The following PDE11A variants were observed in gnomAD, a reference collection of about 807,000 sequenced individuals.
PDE11A encodes phosphodiesterase 11A.
Under a neutral mutation model 100.5 loss-of-function variants are expected in PDE11A, and 100 were observed. The observed-to-expected ratio is 1.00, with a 90% CI of 0.85 to 1.18. The LOEUF is 1.18. PDE11A is among the 50% of genes most tolerant of loss of function. PDE11A has a pLI of 0.00. For synonymous variants in PDE11A, 381 were observed against 420.8 expected, an observed-to-expected ratio of 0.91 and a Z score of 1.16; for missense variants, 1,141 against 1,152.6, an observed-to-expected ratio of 0.99 and a Z score of 0.15.
chr2:177,674,888 C>A (rs2080745374), intron 17 of PDE11A, among the ~76,000 whole-genome samples: 1 of 151,974 alleles, frequency 6.6e-6, no homozygotes, highest in Admixed American at 6.6e-5. Context: ...ATCAGTAATC[C>A]CTGGTCTTCA....
intron 10 of PDE11A, among the ~76,000 whole-genome samples, chr2:177,764,138 G>T (rs1322841544): frequency 6.6e-6 from 1 of 152,160 alleles, no homozygotes; most frequent in Non-Finnish European, 1.5e-5. Context: ...TATTTTTGAT[G>T]CAGTCATTCT....
chr2:177,744,994 A>G (rs1190786109), intron 10 of PDE11A, among the ~76,000 whole-genome samples: 2 of 152,230 alleles, frequency 1.3e-5, no homozygotes, highest in African/African-American at 4.8e-5. Context: ...GCTAGAAACA[A>G]ACCTTTGCAG....
intron 2 of PDE11A, among the ~76,000 whole-genome samples, chr2:177,969,622 GA>G (rs768107433): frequency 7.3e-5 from 11 of 150,588 alleles, no homozygotes; most frequent in Non-Finnish European, 1.5e-4. Flanking sequence ...TTTATGTAAA[GA>G]AAAAAAGTAA....
chr2:177,666,991 C>T (rs981042156), intron 18 of PDE11A, among the ~76,000 whole-genome samples: 50 of 151,362 alleles, frequency 3.3e-4, no homozygotes, highest in Admixed American at 1.8e-3. Flanking sequence ...AACCTGGGCT[C>T]ACTGCAACCT....
intron 9 of PDE11A, chr2:177,797,319 C>T (rs1000714695): frequency 6.6e-6 from 1 of 152,186 alleles, no homozygotes; most frequent in Admixed American, 6.5e-5. Context: ...CCTGGCTCTA[C>T]TTCTAGCTGT....
chr2:177,965,827 G>T (rs1023911704), intron 2 of PDE11A, among the ~76,000 whole-genome samples: 8 of 152,160 alleles, frequency 5.3e-5, no homozygotes, highest in African/African-American at 1.7e-4. Context: ...GCTTAGTATT[G>T]CTTCAGTTAT....
chr2:178,037,749 A>G (rs1449839046), intron 1 of PDE11A, among the ~76,000 whole-genome samples: 1 of 152,132 alleles, frequency 6.6e-6, no homozygotes, highest in Non-Finnish European at 1.5e-5. Context: ...GAAGCCACCA[A>G]TCTCAGCAAA....
intron 2 of PDE11A, among the ~76,000 whole-genome samples, chr2:178,094,321 G>A (rs371850392): frequency 6.6e-6 from 1 of 152,004 alleles, no homozygotes; most frequent in East Asian, 1.9e-4. Context: ...TTGAGCTCAG[G>A]AGTTCAAGAC....
intron 1 of PDE11A, among the ~76,000 whole-genome samples, chr2:178,019,033 T>C (rs1574345469): frequency 2.0e-5 from 3 of 152,370 alleles, no homozygotes; most frequent in Admixed American, 2.0e-4. Context: ...AATTACTAAA[T>C]ATGTGATCAA....
intron 2 of PDE11A, among the ~76,000 whole-genome samples, chr2:177,981,803 A>G (rs933449149): frequency 4.6e-5 from 7 of 151,072 alleles, no homozygotes; most frequent in African/African-American, 1.7e-4. Flanking sequence ...ATTGTAGAAT[A>G]TCATTCTCTA....
intron 1 of PDE11A, among the ~76,000 whole-genome samples, chr2:178,107,717 T>C (rs2087637171): frequency 6.7e-6 from 1 of 149,064 alleles, no homozygotes; most frequent in South Asian, 2.2e-4. Flanking sequence ...ATTCCTTTTT[T>C]TTTCTTTTTT....
At chr2:177,917,204 A>T (rs2084967887) in intron 2 of PDE11A, among the ~76,000 whole-genome samples, 3 of 152,142 alleles carry the variant, frequency 2.0e-5, no homozygotes, top group Admixed American at 1.3e-4. Context: ...CCAAAAAAAA[A>T]ATTAAAGTTC....
At chr2:177,872,272 A>G (rs1297267360) in intron 5 of PDE11A, among the ~76,000 whole-genome samples, 4 of 152,236 alleles carry the variant, frequency 2.6e-5, no homozygotes, top group African/African-American at 9.6e-5. Flanking sequence ...TCAACATAAA[A>G]TGCCTTTCTA....
At chr2:177,984,404 T>G (rs907764874) in intron 2 of PDE11A, among the ~76,000 whole-genome samples, 2 of 152,328 alleles carry the variant, frequency 1.3e-5, no homozygotes, top group South Asian at 4.1e-4. Context: ...TACTTTTAAC[T>G]GAGTGAAAAC....
chr2:177,745,584 G>A (rs2081936621), intron 10 of PDE11A, among the ~76,000 whole-genome samples: 1 of 152,214 alleles, frequency 6.6e-6, no homozygotes, highest in African/African-American at 2.4e-5. Flanking sequence ...CAGGCTTGCT[G>A]GGCCTTGAGA....
chr2:177,929,011 A>G (rs1370473807), intron 2 of PDE11A, among the ~76,000 whole-genome samples: 1 of 126,802 alleles, frequency 7.9e-6, no homozygotes, highest in African/African-American at 2.9e-5. Context: ...GGGGATGATT[A>G]AAAAAAATGA....
intron 2 of PDE11A, among the ~76,000 whole-genome samples, chr2:178,086,159 A>G (rs1407095670): frequency 1.3e-5 from 2 of 152,284 alleles, no homozygotes; most frequent in East Asian, 3.9e-4. Context: ...CTCTCTGCAT[A>G]AGGTTTCTCC....
At position 178,024,102 on chromosome 2, in the gene PDE11A, T is replaced by C. The variant is rs538809460; in HGVS notation, c.913-9642A>G. On this transcript the variant is annotated intron_variant, in intron 1 of 19. Coordinates refer to ENST00000286063, the MANE Select transcript of PDE11A (RefSeq NM_016953.4). ...TTGTCAGGGTAGGGTTAAGAACCAC[T>C]GAATTAGAGGGTCACTTAATAAATC... is the stretch of plus-strand genomic sequence containing the variant. Among the ~76,000 whole-genome samples, 23 of 152,214 alleles carry C rather than the reference T, an allele frequency of 1.5e-4. No individual in the cohort carries two copies. The East Asian group carries it at 4.1e-3, about 27-fold the overall frequency.
chr2:178,061,471 T>C (rs1395087936), intron 1 of PDE11A, among the ~76,000 whole-genome samples: 1 of 152,134 alleles, frequency 6.6e-6, no homozygotes, highest in Non-Finnish European at 1.5e-5. Flanking sequence ...TGTGTCAGTC[T>C]TGAGACAAAA....
Sources: allele counts gnomAD v4.1 joint callset (sites outside exome capture counted in the v4.1 genomes callset), GRCh38; gene constraint gnomAD v4.1.1; transcripts MANE v1.5; gene names NCBI Gene and HGNC (gene_info 2026-07-23, HGNC 2026-07-21).